Variants in RANBP2 observed in about 807,000 individuals in gnomAD.
RANBP2 encodes the protein E3 SUMO-protein ligase RanBP2.
A neutral mutation model predicts 303.6 loss-of-function variants in RANBP2; 57 were observed. The ratio of observed to expected loss-of-function variants is 0.19; its 90% confidence interval spans 0.15 to 0.23. The LOEUF (loss-of-function observed/expected upper bound fraction) is 0.23, where lower values mean the gene tolerates loss of function less well. Among genes scored for constraint, RANBP2 ranks in the 10% least tolerant of loss-of-function variants. RANBP2 has a pLI of 1.00. For missense variants in RANBP2, 3,138 were observed against 3,780.8 expected (o/e 0.83, Z 4.46); for synonymous variants, 1,167 against 1,301.5 (o/e 0.90, Z 2.23).
the RANBP2 span, among the ~76,000 whole-genome samples, chr2:108,980,061 C>T: frequency 2.3e-5 from 3 of 131,964 alleles, no homozygotes; most frequent in African/African-American, 8.9e-5. Context: ...TCACACTTAA[C>T]AGATCGCCCA....
At chr2:108,838,429 A>T in the RANBP2 span, among the ~76,000 whole-genome samples, 1 of 152,194 alleles carries the variant, frequency 6.6e-6, no homozygotes, top group African/African-American at 2.4e-5. Flanking sequence ...CTATACAATT[A>T]TTTCCAGGTT....
chr2:108,997,245 A>T, the RANBP2 span, among the ~76,000 whole-genome samples: 19 of 151,096 alleles, frequency 1.3e-4, no homozygotes, highest in Non-Finnish European at 2.5e-4. Context: ...ATCGAGACCA[A>T]CCTGGCTAAC....
chr2:109,322,724 G>T, the RANBP2 span, among the ~76,000 whole-genome samples: 1 of 152,184 alleles, frequency 6.6e-6, no homozygotes, highest in African/African-American at 2.4e-5. Context: ...TCATTAAGAG[G>T]TAGATGATCA....
chr2:109,574,596 C>G, the RANBP2 span: 1 of 1,556,666 alleles, frequency 6.4e-7, no homozygotes, highest in Non-Finnish European at 8.7e-7. Context: ...TGTCAAGGTT[C>G]TTCATGGTTA....
chr2:109,629,214 A>ATAAATAAATAAAT, the RANBP2 span, among the ~76,000 whole-genome samples: 1 of 129,130 alleles, frequency 7.7e-6, no homozygotes, highest in Non-Finnish European at 1.7e-5. Context: ...AAATAAATAA[A>ATAAATAAATAAAT]TAAATAAATA....
chr2:109,068,415 C>T, the RANBP2 span, among the ~76,000 whole-genome samples: 5 of 152,308 alleles, frequency 3.3e-5, no homozygotes, highest in Middle Eastern at 0.01. Context: ...GACTGTAAGC[C>T]GTCTGAGGGC....
the RANBP2 span, chr2:108,929,348 T>G: frequency 6.2e-7 from 1 of 1,614,132 alleles, no homozygotes; most frequent in Non-Finnish European, 8.5e-7. Context: ...GACGCAGCCG[T>G]AGTCCTCGTC....
chr2:108,916,433 C>T, the RANBP2 span, among the ~76,000 whole-genome samples: 10 of 152,118 alleles, frequency 6.6e-5, no homozygotes, highest in African/African-American at 2.4e-4. Flanking sequence ...TGTGGGATGC[C>T]TCTGCAGCCC....
the RANBP2 span, among the ~76,000 whole-genome samples, chr2:109,350,625 C>T: frequency 6.6e-6 from 1 of 152,242 alleles, no homozygotes; most frequent in Admixed American, 6.5e-5. Context: ...GAGACATGGG[C>T]AACTCCATGT....
the RANBP2 span, among the ~76,000 whole-genome samples, chr2:109,131,041 C>T: frequency 6.6e-6 from 1 of 152,134 alleles, no homozygotes; most frequent in African/African-American, 2.4e-5. Flanking sequence ...TTGGAATAAT[C>T]ATTTGCTTTA....
At chr2:109,728,467 A>AT in the RANBP2 span, among the ~76,000 whole-genome samples, 2 of 150,988 alleles carry the variant, frequency 1.3e-5, no homozygotes, top group East Asian at 3.9e-4. Flanking sequence ...ATTTTTTTTT[A>AT]TTTTTTGAGA....
chr2:109,096,556 A>G, the RANBP2 span, among the ~76,000 whole-genome samples: 8 of 152,144 alleles, frequency 5.3e-5, no homozygotes, highest in Non-Finnish European at 1.0e-4. Flanking sequence ...GTGCTCTTAA[A>G]TGCAAGTTTC....
chr2:109,237,607 A>G, the RANBP2 span, among the ~76,000 whole-genome samples: 1 of 152,156 alleles, frequency 6.6e-6, no homozygotes, highest in East Asian at 1.9e-4. Context: ...TGTGTGTGTG[A>G]ATTTTTTTTA....
At chr2:108,809,448 T>TTGTG in the RANBP2 span, among the ~76,000 whole-genome samples, 539 of 141,218 alleles carry the variant, frequency 3.8e-3, 5 homozygotes, top group South Asian at 0.013. Context: ...ACATGAAATG[T>TTGTG]TGTGTGTGTG....
At chr2:109,034,135 T>C in the RANBP2 span, among the ~76,000 whole-genome samples, 1 of 151,006 alleles carries the variant, frequency 6.6e-6, no homozygotes, top group African/African-American at 2.4e-5. Context: ...CCGGGTGTGG[T>C]GGCAGGCACC....
chr2:108,994,821 TATATATATC>T, the RANBP2 span, among the ~76,000 whole-genome samples: 6,698 of 32,902 alleles, frequency 0.2, 322 homozygotes, highest in African/African-American at 0.39. Context: ...TATATATATA[TATATATATC>T]TTTTTTTTTT....
At chr2:109,272,229 A>G in the RANBP2 span, among the ~76,000 whole-genome samples, 1 of 152,148 alleles carries the variant, frequency 6.6e-6, no homozygotes, top group Non-Finnish European at 1.5e-5. Context: ...TTTCCTAGTA[A>G]GCTGCTTCTT....
At chr2:109,544,654 GA>G in the RANBP2 span, 4 of 918,386 alleles carry the variant, frequency 4.4e-6, no homozygotes, top group South Asian at 5.1e-5. Flanking sequence ...AAGATGAAAG[GA>G]AAAAAGGTAT....
At chr2:109,084,548 C>G in the RANBP2 span, among the ~76,000 whole-genome samples, 1 of 152,158 alleles carries the variant, frequency 6.6e-6, no homozygotes, top group African/African-American at 2.4e-5. Flanking sequence ...TTGATGTTGG[C>G]AGTGACATTG....
Sources: gnomAD v4.1 joint callset for allele counts (sites outside exome capture counted in the v4.1 genomes callset) on GRCh38, gnomAD v4.1.1 for gene constraint, MANE v1.5 for transcripts, NCBI Gene and HGNC (gene_info 2026-07-23, HGNC 2026-07-21) for gene names.